LY86: variants seen among roughly 807,000 people sequenced by gnomAD.
LY86 encodes lymphocyte antigen 86.
In LY86, 20 loss-of-function variants were observed where a neutral mutation model predicts 17.3. The ratio of observed to expected loss-of-function variants is 1.15; its 90% CI spans 0.81 to 1.68. The LOEUF is 1.68. LY86 is among the 40% of genes most tolerant of loss of function. LY86 has a pLI of 0.00. For missense variants in LY86, 200 were observed against 191.9 expected (o/e 1.04, Z -0.25); for synonymous variants, 74 against 70.6 (o/e 1.05, Z -0.24).
intron 1 of LY86, among the ~76,000 whole-genome samples, chr6:6,600,433 T>C (rs898256899): frequency 6.6e-6 from 1 of 151,136 alleles, no homozygotes; most frequent in African/African-American, 2.4e-5. Flanking sequence ...CTACTAAAAA[T>C]ACAAAAAATT....
chr6:6,614,341 A>G (rs189703735), intron 1 of LY86, among the ~76,000 whole-genome samples: 329 of 151,326 alleles, frequency 2.2e-3, no homozygotes, highest in Admixed American at 4.1e-3. Flanking sequence ...TAGTTCCTTC[A>G]TTGACGCCAA....
chr6:6,588,959 G>GGT (rs1554122325), intron 1 of LY86, 89 bp downstream of exon 1: 36 of 1,484,124 alleles, frequency 2.4e-5, no homozygotes, highest in East Asian at 7.1e-5. Context: ...AGTTGGGGTG[G>GGT]GAGGGGAGAG....
At chr6:6,612,354 T>C (rs551316273) in intron 1 of LY86, among the ~76,000 whole-genome samples, 1 of 152,212 alleles carries the variant, frequency 6.6e-6, no homozygotes, top group Non-Finnish European at 1.5e-5. Flanking sequence ...TTACACTTCT[T>C]AAGGTGATAC....
chr6:6,609,831 T>G (rs1761286044), intron 1 of LY86, among the ~76,000 whole-genome samples: 1 of 151,526 alleles, frequency 6.6e-6, no homozygotes, highest in African/African-American at 2.4e-5. Context: ...ATAATTATTG[T>G]GTGTCCATTA....
chr6:6,606,814 A>C (rs2113106616), intron 1 of LY86, among the ~76,000 whole-genome samples: 1 of 152,258 alleles, frequency 6.6e-6, no homozygotes, highest in Middle Eastern at 3.4e-3. Flanking sequence ...CTCCCTCCAC[A>C]CCACCCCGCA....
chr6:6,651,431 T>C (rs1444270463), intron 4 of LY86, among the ~76,000 whole-genome samples: 1 of 152,160 alleles, frequency 6.6e-6, no homozygotes, highest in African/African-American at 2.4e-5. Context: ...TCTCCAGCCC[T>C]CTCCCTCTGG....
intron 1 of LY86, among the ~76,000 whole-genome samples, chr6:6,602,562 T>G (rs1760942299): frequency 6.6e-6 from 1 of 152,084 alleles, no homozygotes; most frequent in Non-Finnish European, 1.5e-5. Context: ...GAGTGCAAGT[T>G]TGTTTGAGAA....
At chr6:6,649,259 T>A (rs1208516996) in intron 3 of LY86, among the ~76,000 whole-genome samples, 1 of 152,232 alleles carries the variant, frequency 6.6e-6, no homozygotes, top group Non-Finnish European at 1.5e-5. Context: ...CATGATTCAG[T>A]TACCTCCCAC....
At chr6:6,614,154 G>A (rs573558243) in intron 1 of LY86, among the ~76,000 whole-genome samples, 3 of 152,250 alleles carry the variant, frequency 2.0e-5, no homozygotes, top group South Asian at 2.1e-4. Flanking sequence ...AAAAGTCACG[G>A]TGGCTTATGG....
chr6:6,595,391 A>G (rs1184655309), intron 1 of LY86, among the ~76,000 whole-genome samples: 3 of 64,946 alleles, frequency 4.6e-5, no homozygotes, highest in African/African-American at 1.1e-4. Context: ...GGAGAAGAGA[A>G]GGAGGAAAAG....
chr6:6,602,680 G>A (rs1055308112), intron 1 of LY86, among the ~76,000 whole-genome samples: 1 of 152,078 alleles, frequency 6.6e-6, no homozygotes, highest in African/African-American at 2.4e-5. Flanking sequence ...GGGACCCTGG[G>A]GAGCCCTTGT....
intron 1 of LY86, among the ~76,000 whole-genome samples, chr6:6,600,355 C>T (rs891966952): frequency 6.6e-6 from 1 of 151,780 alleles, no homozygotes; most frequent in Non-Finnish European, 1.5e-5. Context: ...TTTCAGAGGC[C>T]GAGGCAGGCA....
chr6:6,615,583 G>T (rs548886260), intron 1 of LY86, among the ~76,000 whole-genome samples: 1 of 152,192 alleles, frequency 6.6e-6, no homozygotes, highest in Non-Finnish European at 1.5e-5. Flanking sequence ...TTAGCCCATG[G>T]TGGTGGCACA....
intron 1 of LY86, among the ~76,000 whole-genome samples, chr6:6,592,007 G>T (rs1760545165): frequency 6.6e-6 from 1 of 152,212 alleles, no homozygotes; most frequent in African/African-American, 2.4e-5. Context: ...TGGCCAGGAG[G>T]TTGCATTTTG....
At position 6,649,681 on chromosome 6, in the gene LY86, A is replaced by G. The variant is rs779244752; in HGVS notation, c.405+4A>G. ...TCCTGAATTTACTATTCCTCAGGTA[A>G]GATATTACTTACTTCTTGTATTAAA... On this transcript the variant is annotated splice_donor_region_variant and intron_variant, in intron 4 of 4. Transcript: ENST00000230568. The G allele has an allele frequency of 3.9e-6, 6 of 1,528,230 alleles. No individual in the cohort carries two copies. The highest frequency in any genetic ancestry group is 5.4e-6 in the Non-Finnish European group (6 of 1,107,218). The allele number at this position is 1,528,230 out of a possible 1,614,324, so 94.7% of individuals were successfully genotyped here.
intron 1 of LY86, among the ~76,000 whole-genome samples, chr6:6,596,234 A>T (rs1348589680): frequency 1.3e-5 from 2 of 152,230 alleles, no homozygotes; most frequent in Admixed American, 6.5e-5. Flanking sequence ...GTAAGCTGCA[A>T]ACAACCTCGC....
At chr6:6,652,445 C>T (rs1330643669) in intron 4 of LY86, among the ~76,000 whole-genome samples, 1 of 152,188 alleles carries the variant, frequency 6.6e-6, no homozygotes, top group African/African-American at 2.4e-5. Context: ...AAAACGCTCC[C>T]ACTCAGCGAT....
intron 1 of LY86, among the ~76,000 whole-genome samples, chr6:6,603,016 A>G (rs894191306): frequency 4.6e-5 from 7 of 152,174 alleles, no homozygotes; most frequent in Non-Finnish European, 1.0e-4. Context: ...AGGGAGTCGG[A>G]GATCAAGGTG....
chr6:6,598,075 ATATTG>A (rs1439604857), intron 1 of LY86, among the ~76,000 whole-genome samples: 1 of 152,240 alleles, frequency 6.6e-6, no homozygotes, highest in Non-Finnish European at 1.5e-5. Flanking sequence ...TAGTCGTCTT[ATATTG>A]TATTTTTTAA....
Sources: allele counts gnomAD v4.1 joint callset (sites outside exome capture counted in the v4.1 genomes callset), GRCh38; gene constraint gnomAD v4.1.1; transcripts MANE v1.5; gene names NCBI Gene and HGNC (gene_info 2026-07-23, HGNC 2026-07-21).